The following SPON1 variants were observed in gnomAD, a reference collection of about 807,000 sequenced individuals.
SPON1 encodes spondin 1, also known as spondin-1.
In SPON1, 52 loss-of-function variants were observed where a neutral mutation model predicts 111.7. The observed-to-expected ratio is 0.47, with a 90% confidence interval of 0.37 to 0.59. SPON1 has a LOEUF of 0.59. Ranked by LOEUF, SPON1 falls within the 20% of genes least tolerant of loss-of-function variation. SPON1 has a pLI of 0.00. For missense variants in SPON1, 957 were observed against 1,068.5 expected, an observed-to-expected ratio of 0.90 and a Z score of 1.46; for synonymous variants, 410 against 395.8, an observed-to-expected ratio of 1.04 and a Z score of -0.43.
intron 5 of SPON1, among the ~76,000 whole-genome samples, chr11:14,119,962 C>T (rs1591380660): frequency 6.6e-6 from 1 of 152,086 alleles, no homozygotes; most frequent in Non-Finnish European, 1.5e-5. Context: ...TTTAAGTGCT[C>T]AGTGGCCACA....
intron 10 of SPON1, among the ~76,000 whole-genome samples, chr11:14,257,486 G>A (rs1438117378): frequency 6.6e-6 from 1 of 152,204 alleles, no homozygotes; most frequent in Non-Finnish European, 1.5e-5. Context: ...TTGAGAGGAA[G>A]GGATAATAAG....
At chr11:14,061,323 G>A (rs1848789570) in intron 3 of SPON1, among the ~76,000 whole-genome samples, 1 of 152,226 alleles carries the variant, frequency 6.6e-6, no homozygotes, top group Non-Finnish European at 1.5e-5. Context: ...TTATGTGTGT[G>A]TGAATGTACA....
intron 2 of SPON1, among the ~76,000 whole-genome samples, chr11:14,040,660 T>A (rs1466928222): frequency 6.6e-6 from 1 of 152,118 alleles, no homozygotes; most frequent in East Asian, 1.9e-4. Flanking sequence ...TTAATAAGAT[T>A]GTGTTTTGAA....
intron 6 of SPON1, among the ~76,000 whole-genome samples, chr11:14,169,310 G>T (rs1481533705): frequency 6.6e-6 from 1 of 151,928 alleles, no homozygotes; most frequent in South Asian, 2.1e-4. Flanking sequence ...CTTTTGAGAA[G>T]TGTCTGTTCA....
intron 2 of SPON1, among the ~76,000 whole-genome samples, chr11:13,985,990 A>G (rs1420840968): frequency 6.6e-6 from 1 of 152,024 alleles, no homozygotes. Flanking sequence ...TCCCTTCCAA[A>G]TCTATCATGA....
chr11:14,184,304 C>T (rs978056686), intron 6 of SPON1, among the ~76,000 whole-genome samples: 12 of 152,118 alleles, frequency 7.9e-5, no homozygotes, highest in African/African-American at 2.7e-4. Context: ...CATTTGGCTC[C>T]CTGCAATGCT....
chr11:14,115,519 A>G (rs782089238), intron 5 of SPON1, among the ~76,000 whole-genome samples: 1 of 152,322 alleles, frequency 6.6e-6, no homozygotes, highest in African/African-American at 2.4e-5. Context: ...ACTCTTTTGT[A>G]TCTGGCTTCT....
At chr11:14,265,230 G>A (rs1554942334) in intron 15 of SPON1, among the ~76,000 whole-genome samples, 1 of 152,184 alleles carries the variant, frequency 6.6e-6, no homozygotes, top group Non-Finnish European at 1.5e-5. Context: ...CAGCTTTTAG[G>A]CCTGTTTTTG....
intron 5 of SPON1, among the ~76,000 whole-genome samples, chr11:14,133,500 A>G (rs551645527): frequency 3.3e-4 from 50 of 152,348 alleles, no homozygotes; most frequent in African/African-American, 1.1e-3. Context: ...GGCTAAGCCA[A>G]ACAAGAGGAG....
intron 2 of SPON1, among the ~76,000 whole-genome samples, chr11:14,029,317 T>G (rs1185810581): frequency 1.3e-5 from 2 of 152,094 alleles, no homozygotes; most frequent in African/African-American, 4.8e-5. Context: ...TTTACCAGAA[T>G]TGTTGAGAGC....
chr11:13,971,506 T>C (rs1848062923), intron 1 of SPON1, among the ~76,000 whole-genome samples: 1 of 152,172 alleles, frequency 6.6e-6, no homozygotes, highest in African/African-American at 2.4e-5. Flanking sequence ...GCTATGCCTT[T>C]GGAGAGTGTA....
intron 6 of SPON1, among the ~76,000 whole-genome samples, chr11:14,156,189 A>T (rs1362749531): frequency 1.5e-5 from 2 of 136,028 alleles, no homozygotes; most frequent in Non-Finnish European, 3.3e-5. Flanking sequence ...TGCCATTCTA[A>T]CTGGTGTGAG....
chr11:13,997,899 C>G (rs1848285967), intron 2 of SPON1, among the ~76,000 whole-genome samples: 1 of 152,088 alleles, frequency 6.6e-6, no homozygotes, highest in Non-Finnish European at 1.5e-5. Flanking sequence ...TGGCAAAAGG[C>G]TCCGCACCAG....
At chr11:14,207,211 A>G (rs545450479) in intron 6 of SPON1, among the ~76,000 whole-genome samples, 1 of 152,292 alleles carries the variant, frequency 6.6e-6, no homozygotes, top group African/African-American at 2.4e-5. Context: ...GGACCTCTTC[A>G]TTACACCATA....
At chr11:14,041,773 C>T in intron 3 of SPON1, 119 bp downstream of exon 3, 3 of 1,138,262 alleles carry the variant, frequency 2.6e-6, no homozygotes, top group South Asian at 3.1e-5. Context: ...TCTGCCCTCC[C>T]TTATCTGAAT....
chr11:14,145,821 C>T (rs552188451), intron 6 of SPON1, among the ~76,000 whole-genome samples: 7 of 152,014 alleles, frequency 4.6e-5, no homozygotes, highest in East Asian at 1.9e-4. Context: ...ATGCATTTAA[C>T]GGGTCAAATA....
At chr11:14,258,000 G>C in intron 11 of SPON1, 102 bp downstream of exon 11, 1 of 1,139,264 alleles carries the variant, frequency 8.8e-7, no homozygotes, top group Non-Finnish European at 1.2e-6. Context: ...CAAGGACCCT[G>C]ACAGTAGATG....
intron 6 of SPON1, among the ~76,000 whole-genome samples, chr11:14,207,252 C>A (rs1262640996): frequency 6.6e-6 from 1 of 152,106 alleles, no homozygotes; most frequent in African/African-American, 2.4e-5. Context: ...GGATAAAAGA[C>A]TTAAATGTAA....
In SPON1 at chr11:14,110,757, A is replaced by G. The variant is rs1849221362; in HGVS notation, c.677-24663A>G. Reference sequence around the variant, plus strand: ...TCTTCCTCTCCCAGTCCACTGGCTCAAATCCAGTCCACTGGCTCAAATGTC... The same window carrying G: ...TCTTCCTCTCCCAGTCCACTGGCTCGAATCCAGTCCACTGGCTCAAATGTC... On this transcript the variant is annotated intron_variant, in intron 5 of 15. Coordinates refer to ENST00000576479, the MANE Select transcript of SPON1 (RefSeq NM_006108.4). Among the ~76,000 whole-genome samples, 4 of 152,284 alleles carry G rather than the reference A, an allele frequency of 2.6e-5. No individual in the cohort carries two copies. The South Asian group carries it at 8.3e-4, about 32-fold the overall frequency.
Sources: allele counts gnomAD v4.1 joint callset (sites outside exome capture counted in the v4.1 genomes callset), GRCh38; gene constraint gnomAD v4.1.1; transcripts MANE v1.5; gene names NCBI Gene and HGNC (gene_info 2026-07-23, HGNC 2026-07-21).